Variants in IDUA observed in about 807,000 individuals in gnomAD.
The protein encoded by IDUA is iduronidase alpha-L-.
In IDUA, 65 loss-of-function variants were observed where a neutral mutation model predicts 68.9. The observed-to-expected ratio is 0.94, with a 90% CI of 0.77 to 1.16. The LOEUF is 1.16. IDUA is among the 50% of genes most tolerant of loss of function. The probability of loss-of-function intolerance (pLI) is 0.00; values close to 1 mark genes in which losing one functional copy is unlikely to be tolerated. For missense variants in IDUA, 1,046 were observed against 938.0 expected (o/e 1.12, Z -1.50); for synonymous variants, 529 against 433.6 (o/e 1.22, Z -2.73).
At chr4:1,001,324 C>T (rs550698424) in intron 4 of IDUA, 144 bp from the exon 5 acceptor site, 6 of 799,276 alleles carry the variant, frequency 7.5e-6, no homozygotes, top group African/African-American at 1.7e-5. Flanking sequence ...GCCAGCGCTT[C>T]CTGATGTGGG....
chr4:994,191 A>G (rs1714586115), intron 2 of IDUA, among the ~76,000 whole-genome samples: 1 of 152,210 alleles, frequency 6.6e-6, no homozygotes, highest in Admixed American at 6.5e-5. Context: ...TGTAATTCCA[A>G]CACTTTGGGA....
At position 1,000,875 on chromosome 4, in the gene IDUA, G is replaced by A. The variant is rs1047377009; in HGVS notation, c.386-7G>A. On this transcript the variant is annotated splice_region_variant and splice_polypyrimidine_tract_variant and intron_variant, in intron 3 of 13. Transcript: ENST00000514224. ...GTGGGCGGTGGGGCAGCCCTCCTGT[G>A]TTCCAGGGTTTGAGCTGATGGGCAG... 3 of 1,611,380 alleles carry A rather than the reference G, an allele frequency of 1.9e-6. No homozygotes were observed. In the Admixed American group the frequency reaches 5.0e-5, roughly 27 times the overall value.
chr4:1,001,938 G>C (rs1715108612), intron 6 of IDUA, 44 bp from the exon 7 acceptor site: 1 of 1,569,578 alleles, frequency 6.4e-7, no homozygotes, highest in Admixed American at 1.9e-5. Flanking sequence ...GCTGTGCCCC[G>C]GGCCGCGCTG....
At chr4:1,001,445 G>A in intron 4 of IDUA, 23 bp from the exon 5 acceptor site, 1 of 1,602,164 alleles carries the variant, frequency 6.2e-7, no homozygotes, top group Non-Finnish European at 8.5e-7. Context: ...CTGTGCTGGG[G>A]GGACAGCAAG....
intron 8 of IDUA, 73 bp downstream of exon 8, chr4:1,002,558 T>C: frequency 7.5e-7 from 1 of 1,341,290 alleles, no homozygotes; most frequent in South Asian, 1.6e-5. Context: ...AAGGCCCCGC[T>C]GCGGGGAGCG....
intron 2 of IDUA, chr4:991,721 C>T (rs747090497): frequency 3.5e-5 from 53 of 1,533,390 alleles, no homozygotes; most frequent in Non-Finnish European, 4.3e-5. Flanking sequence ...CGTCAGGTCC[C>T]GTGGCCGACC....
chr4:991,084 G>C (rs199626442), intron 2 of IDUA: 1 of 1,504,940 alleles, frequency 6.6e-7, no homozygotes, highest in Non-Finnish European at 8.9e-7. Context: ...AACCTAAGGG[G>C]GGGTGCCCTG....
chr4:1,002,472 G>A lies in IDUA; in HGVS notation c.1176G>A (p.Leu392=). The part of the protein sequence containing the change: ...LRKPVLTAMG[L]LALLDEEQLW... ...AGCCGGTGCTCACGGCCATGGGGCTGCTGGCGCTGCTGGGTGAGCCGGGGC... is the reference window on the plus strand; with the variant it reads ...AGCCGGTGCTCACGGCCATGGGGCTACTGGCGCTGCTGGGTGAGCCGGGGC... The change falls in exon 8 of 14, where the codon CTG becomes CTA. Residue 392 remains leucine (L), a synonymous_variant. Coordinates refer to ENST00000514224, the MANE Select transcript of IDUA (RefSeq NM_000203.5). 1 of 1,542,890 alleles carries A rather than the reference G, an allele frequency of 6.5e-7. No individual in the cohort carries two copies. Among genetic ancestry groups the A allele is most frequent in the Non-Finnish European group, 8.7e-7 (1 of 1,143,750 alleles).
intron 2 of IDUA, among the ~76,000 whole-genome samples, chr4:996,191 G>A (rs1463773496): frequency 6.6e-6 from 1 of 152,264 alleles, no homozygotes; most frequent in African/African-American, 2.4e-5. Flanking sequence ...CAGCAGTTGG[G>A]AGCTGTGCTG....
At chr4:997,709 C>G (rs1015791731) in intron 2 of IDUA, among the ~76,000 whole-genome samples, 5 of 152,186 alleles carry the variant, frequency 3.3e-5, no homozygotes, top group African/African-American at 1.2e-4. Context: ...AGTCCCCTCC[C>G]CAGCGTCGGT....
At chr4:991,854 T>C (rs1004503869) in intron 2 of IDUA, 7 of 1,519,196 alleles carry the variant, frequency 4.6e-6, no homozygotes, top group Middle Eastern at 3.4e-4. Flanking sequence ...GGATTGGTGC[T>C]GGGCCTTCTC....
chr4:999,387 C>G (rs150246795), intron 2 of IDUA, among the ~76,000 whole-genome samples: 1 of 152,296 alleles, frequency 6.6e-6, no homozygotes, highest in Non-Finnish European at 1.5e-5. Flanking sequence ...AGCTGCCTCC[C>G]TGCTGCCTGA....
intron 2 of IDUA, among the ~76,000 whole-genome samples, chr4:995,113 C>T (rs1013602452): frequency 1.3e-5 from 2 of 150,700 alleles, no homozygotes; most frequent in Non-Finnish European, 2.9e-5. Context: ...GGCACAATCT[C>T]GGCTCACTGC....
chr4:1,000,548 T>C, intron 2 of IDUA, 64 bp from the exon 3 acceptor site: 1 of 1,308,878 alleles, frequency 7.6e-7, no homozygotes. Context: ...GTGGCCACGG[T>C]TCCAGCCTGG....
At chr4:990,403 G>A (rs762803524) in intron 2 of IDUA, 2 of 1,523,758 alleles carry the variant, frequency 1.3e-6, no homozygotes, top group Admixed American at 2.0e-5. Flanking sequence ...CGCCTGGCGG[G>A]AGCCACCTGC....
intron 12 of IDUA, 138 bp from the exon 13 acceptor site, chr4:1,003,874 A>G (rs1715279660): frequency 1.2e-6 from 1 of 862,476 alleles, no homozygotes. Context: ...CTGGGCAGGA[A>G]GAGTGCCCAG....
chr4:994,192 C>A (rs915316199), intron 2 of IDUA, among the ~76,000 whole-genome samples: 1 of 152,188 alleles, frequency 6.6e-6, no homozygotes, highest in African/African-American at 2.4e-5. Context: ...GTAATTCCAA[C>A]ACTTTGGGAG....
At chr4:992,306 C>G in intron 2 of IDUA, 1 of 422,900 alleles carries the variant, frequency 2.4e-6, no homozygotes, top group South Asian at 1.7e-5. Flanking sequence ...ATCGCCTGCT[C>G]TCCTGGAGAC....
chr4:1,000,633 G>T lies in IDUA; in HGVS notation c.321G>T (p.Leu107=), dbSNP rs771434526. ...GCAGGGGGTCCACTGGACGGGGCCT[G>T]AGCTACAACTTCACCCACCTGGACG... ...VTTRGSTGRG[L]SYNFTHLDGY... The change falls in exon 3 of 14, where the codon CTG becomes CTT. Residue 107 remains leucine, a synonymous_variant. Coordinates refer to ENST00000514224, the MANE Select transcript of IDUA (RefSeq NM_000203.5). 1 of 1,612,774 alleles carries T rather than the reference G, an allele frequency of 6.2e-7. No homozygotes were observed. Among genetic ancestry groups the T allele is most frequent in the South Asian group, 1.1e-5 (1 of 91,076 alleles).
Sources: allele counts gnomAD v4.1 joint callset (sites outside exome capture counted in the v4.1 genomes callset), GRCh38; gene constraint gnomAD v4.1.1; transcripts MANE v1.5; gene names NCBI Gene and HGNC (gene_info 2026-07-23, HGNC 2026-07-21).